Variants in GRID1 observed in about 807,000 individuals in gnomAD.
GRID1 encodes the protein glutamate ionotropic receptor delta type subunit 1.
Under a neutral mutation model 98.0 loss-of-function variants are expected in GRID1, and 28 were observed. The observed-to-expected ratio is 0.29, with a 90% CI of 0.21 to 0.39. GRID1 has a LOEUF of 0.39. Ranked by LOEUF, GRID1 falls within the 10% of genes least tolerant of loss-of-function variation. The probability of loss-of-function intolerance (pLI) is 1.00; values close to 1 mark genes in which losing one functional copy is unlikely to be tolerated. For missense variants in GRID1, 1,111 were observed against 1,340.5 expected, an observed-to-expected ratio of 0.83 and a Z score of 2.67; for synonymous variants, 553 against 538.5, an observed-to-expected ratio of 1.03 and a Z score of -0.37.
intron 3 of GRID1, among the ~76,000 whole-genome samples, chr10:86,142,023 A>C (rs1314511947): frequency 6.6e-6 from 1 of 152,262 alleles, no homozygotes; most frequent in Admixed American, 6.5e-5. Flanking sequence ...TGACGCAAAC[A>C]GAGGTTGAAA....
intron 3 of GRID1, among the ~76,000 whole-genome samples, chr10:86,169,491 A>G (rs1363845915): frequency 6.6e-6 from 1 of 152,176 alleles, no homozygotes; most frequent in Non-Finnish European, 1.5e-5. Flanking sequence ...AGGGGTACCC[A>G]CATGTGCCCA....
chr10:85,849,107 G>A (rs1843034152), intron 8 of GRID1, among the ~76,000 whole-genome samples: 1 of 152,160 alleles, frequency 6.6e-6, no homozygotes, highest in African/African-American at 2.4e-5. Context: ...GGTAAAGGTA[G>A]CTTCTACTTC....
At chr10:85,951,733 G>A (rs554352040) in intron 4 of GRID1, among the ~76,000 whole-genome samples, 47 of 152,154 alleles carry the variant, frequency 3.1e-4, no homozygotes, top group South Asian at 1.0e-3. Flanking sequence ...GATCCCTTTC[G>A]CTGGCCCTGC....
At position 86,260,284 on chromosome 10, in the gene GRID1, C is replaced by G. The variant is rs139444322; in HGVS notation, c.236-53636G>C. On this transcript the variant is annotated intron_variant, in intron 2 of 15. Coordinates refer to ENST00000327946, the MANE Select transcript of GRID1 (RefSeq NM_017551.3). ...TATTACTTCATGATAATACTTACAC[C>G]AATCTTTACAAACAGCACGTACCAG... Among the ~76,000 whole-genome samples, 19 of 152,308 alleles carry G rather than the reference C, an allele frequency of 1.2e-4. No homozygotes were observed. In the East Asian group the frequency reaches 2.5e-3, roughly 20 times the overall value.
chr10:86,117,594 CATT>C (rs1844603032), intron 4 of GRID1, among the ~76,000 whole-genome samples: 1 of 151,990 alleles, frequency 6.6e-6, no homozygotes, highest in African/African-American at 2.4e-5. Flanking sequence ...TCATCAACAT[CATT>C]ATCATCACCA....
intron 12 of GRID1, among the ~76,000 whole-genome samples, chr10:85,687,254 A>T (rs528264521): frequency 1.3e-5 from 2 of 152,036 alleles, no homozygotes; most frequent in Non-Finnish European, 2.9e-5. Context: ...TAAAAAAAAA[A>T]GTAATGATTT....
chr10:85,922,363 CCA>C (rs1346193374), intron 4 of GRID1, among the ~76,000 whole-genome samples: 1 of 152,204 alleles, frequency 6.6e-6, no homozygotes, highest in African/African-American at 2.4e-5. Flanking sequence ...GAAAAAACCT[CCA>C]CATGGAAGCC....
At chr10:85,780,411 C>T (rs1018665273) in intron 8 of GRID1, among the ~76,000 whole-genome samples, 2 of 152,184 alleles carry the variant, frequency 1.3e-5, no homozygotes, top group African/African-American at 4.8e-5. Context: ...CTGGTATAAT[C>T]TGGTGTTACA....
At chr10:85,864,954 G>A (rs997709320) in intron 6 of GRID1, among the ~76,000 whole-genome samples, 1 of 152,162 alleles carries the variant, frequency 6.6e-6, no homozygotes, top group African/African-American at 2.4e-5. Context: ...ATATAAATGG[G>A]GGGATGGCTA....
chr10:86,084,702 A>C (rs1443215413), intron 4 of GRID1, among the ~76,000 whole-genome samples: 1 of 152,224 alleles, frequency 6.6e-6, no homozygotes, highest in East Asian at 1.9e-4. Context: ...TTAGCCTTAA[A>C]AAGGAAGGAA....
intron 2 of GRID1, among the ~76,000 whole-genome samples, chr10:86,208,705 C>T (rs1025004534): frequency 6.6e-6 from 1 of 152,218 alleles, no homozygotes; most frequent in Non-Finnish European, 1.5e-5. Flanking sequence ...CAACTTGACC[C>T]CAGGCTCCAG....
chr10:86,205,665 A>T (rs1275614095), intron 3 of GRID1, among the ~76,000 whole-genome samples: 1 of 152,328 alleles, frequency 6.6e-6, no homozygotes, highest in East Asian at 1.9e-4. Context: ...TTTCAAAAAA[A>T]TTGTTTAAAC....
chr10:85,809,598 G>C (rs1488809139), intron 8 of GRID1, among the ~76,000 whole-genome samples: 1 of 152,192 alleles, frequency 6.6e-6, no homozygotes, highest in East Asian at 1.9e-4. Context: ...TAATTAGAAA[G>C]ACCTGCCACA....
intron 12 of GRID1, among the ~76,000 whole-genome samples, chr10:85,665,990 A>T (rs1030203230): frequency 6.6e-6 from 1 of 152,198 alleles, no homozygotes; most frequent in African/African-American, 2.4e-5. Flanking sequence ...CTGGAGGTCA[A>T]GGCACTTATT....
chr10:85,997,787 A>G (rs1365638631), intron 4 of GRID1, among the ~76,000 whole-genome samples: 1 of 152,224 alleles, frequency 6.6e-6, no homozygotes, highest in Non-Finnish European at 1.5e-5. Flanking sequence ...TATGTTTTGA[A>G]AAAAACAAGC....
intron 2 of GRID1, among the ~76,000 whole-genome samples, chr10:86,266,628 C>T (rs923999131): frequency 1.3e-5 from 2 of 152,228 alleles, no homozygotes; most frequent in South Asian, 2.1e-4. Context: ...AGCCGCCAGG[C>T]CCAATTCTCC....
intron 12 of GRID1, among the ~76,000 whole-genome samples, chr10:85,660,733 G>A (rs1202013349): frequency 3.3e-5 from 5 of 152,056 alleles, no homozygotes; most frequent in Non-Finnish European, 5.9e-5. Context: ...ATCACACCAG[G>A]AGTCCAGGGC....
At chr10:86,264,473 GT>G (rs1847071733) in intron 2 of GRID1, among the ~76,000 whole-genome samples, 1 of 152,194 alleles carries the variant, frequency 6.6e-6, no homozygotes, top group South Asian at 2.1e-4. Flanking sequence ...CTTGGAAGCA[GT>G]TTTGCCCAGC....
At chr10:86,011,825 T>G (rs969988293) in intron 4 of GRID1, among the ~76,000 whole-genome samples, 2 of 152,150 alleles carry the variant, frequency 1.3e-5, no homozygotes, top group African/African-American at 4.8e-5. Flanking sequence ...TCTGACATAA[T>G]GTAGAGGAAA....
Sources: gnomAD v4.1 joint callset for allele counts (sites outside exome capture counted in the v4.1 genomes callset) on GRCh38, gnomAD v4.1.1 for gene constraint, MANE v1.5 for transcripts, NCBI Gene and HGNC (gene_info 2026-07-23, HGNC 2026-07-21) for gene names.